SLC18A1: variants seen among roughly 807,000 people sequenced by gnomAD.
SLC18A1 encodes chromaffin granule amine transporter.
In SLC18A1, 69 loss-of-function variants were observed where a neutral mutation model predicts 53.7. The observed-to-expected ratio is 1.28, with a 90% CI of 1.06 to 1.57. The LOEUF is 1.57. Ranked by LOEUF, SLC18A1 falls within the 40% of genes most tolerant of loss-of-function variation. SLC18A1 has a pLI of 0.00. For missense variants in SLC18A1, 932 were observed against 668.1 expected (o/e 1.40, Z -4.35); for synonymous variants, 320 against 248.1 (o/e 1.29, Z -2.72).
intron 10 of SLC18A1, among the ~76,000 whole-genome samples, chr8:20,161,447 G>T (rs1000565461): frequency 1.3e-5 from 2 of 152,114 alleles, no homozygotes; most frequent in Non-Finnish European, 2.9e-5. Context: ...ATTGCATTAG[G>T]TGTTACAAGT....
At chr8:20,167,523 TTGTG>T (rs915650220) in intron 8 of SLC18A1, among the ~76,000 whole-genome samples, 7 of 152,010 alleles carry the variant, frequency 4.6e-5, no homozygotes, top group Non-Finnish European at 7.3e-5. Flanking sequence ...CAGTACAAAC[TTGTG>T]TGTGTGTATT....
At chr8:20,148,274 T>G (rs2071455206) in intron 12 of SLC18A1, 2 of 615,458 alleles carry the variant, frequency 3.2e-6, no homozygotes. Flanking sequence ...GCTGTTGTGT[T>G]TATTTATTGC....
intron 5 of SLC18A1, among the ~76,000 whole-genome samples, chr8:20,173,389 G>A (rs1285221488): frequency 6.6e-6 from 1 of 152,158 alleles, no homozygotes; most frequent in South Asian, 2.1e-4. Context: ...TCCATTGTCT[G>A]ATTATACCAT....
chr8:20,154,983 C>T (rs1051669670), intron 10 of SLC18A1, among the ~76,000 whole-genome samples: 1 of 152,190 alleles, frequency 6.6e-6, no homozygotes, highest in African/African-American at 2.4e-5. Flanking sequence ...TTCCTGCACA[C>T]CTAAGTGCCC....
intron 10 of SLC18A1, among the ~76,000 whole-genome samples, chr8:20,160,223 T>C (rs1186178446): frequency 6.7e-6 from 1 of 149,234 alleles, no homozygotes; most frequent in Non-Finnish European, 1.5e-5. Context: ...ATTTAATTGC[T>C]TAAAAAAATT....
chr8:20,150,909 G>T, intron 10 of SLC18A1, 165 bp from the exon 11 acceptor site: 2 of 632,122 alleles, frequency 3.2e-6, no homozygotes, highest in Admixed American at 4.8e-5. Flanking sequence ...AGTTGCCATA[G>T]GACCCCCACA....
chr8:20,165,157 C>A (rs1201022974), intron 8 of SLC18A1, 50 bp from the exon 9 acceptor site: 1 of 1,470,750 alleles, frequency 6.8e-7, no homozygotes, highest in Admixed American at 1.7e-5. Flanking sequence ...GCATACATCT[C>A]TCCTATTTTC....
intron 11 of SLC18A1, among the ~76,000 whole-genome samples, chr8:20,150,406 A>G (rs2071519467): frequency 6.6e-6 from 1 of 152,224 alleles, no homozygotes; most frequent in African/African-American, 2.4e-5. Flanking sequence ...ACTGGACAGC[A>G]AATGGATGGA....
chr8:20,171,683 T>A (rs2072121475), intron 6 of SLC18A1, among the ~76,000 whole-genome samples, 189 bp from the exon 7 acceptor site: 1 of 144,494 alleles, frequency 6.9e-6, no homozygotes, highest in Admixed American at 6.9e-5. Context: ...GTGGAGGAAG[T>A]GTGTGTGTGT....
chr8:20,180,107 A>ATT (rs1476700812), intron 2 of SLC18A1, among the ~76,000 whole-genome samples: 54 of 62,642 alleles, frequency 8.6e-4, no homozygotes, highest in African/African-American at 3.7e-3. Flanking sequence ...TAAGATTATA[A>ATT]TTGTGTGTGT....
At chr8:20,150,575 G>T (rs923118084) in intron 11 of SLC18A1, 91 bp downstream of exon 11, 3 of 1,134,604 alleles carry the variant, frequency 2.6e-6, no homozygotes, top group Non-Finnish European at 1.3e-6. Flanking sequence ...ACTTTCAACC[G>T]TATGGAAGCT....
chr8:20,149,589 C>CT, intron 12 of SLC18A1, 87 bp downstream of exon 12: 14 of 790,144 alleles, frequency 1.8e-5, no homozygotes, highest in Non-Finnish European at 2.0e-5. Flanking sequence ...TCTCTCTCTC[C>CT]CTCTCTCTCT....
chr8:20,151,579 C>T (rs370641129), intron 10 of SLC18A1, among the ~76,000 whole-genome samples: 3 of 152,010 alleles, frequency 2.0e-5, no homozygotes, highest in Admixed American at 6.6e-5. Context: ...TATATCATAC[C>T]GGGTTACAAT....
intron 14 of SLC18A1, 61 bp from the exon 15 acceptor site, chr8:20,147,452 C>G: frequency 6.3e-7 from 1 of 1,580,372 alleles, no homozygotes; most frequent in East Asian, 2.2e-5. Context: ...GCATCCTCCA[C>G]GTAGGACACT....
At chr8:20,181,124 A>G in intron 1 of SLC18A1, 37 bp from the exon 2 acceptor site, 2 of 693,992 alleles carry the variant, frequency 2.9e-6, no homozygotes, top group Non-Finnish European at 4.6e-6. Context: ...TGCAAGTAGT[A>G]GGATGATATT....
intron 4 of SLC18A1, 30 bp downstream of exon 4, chr8:20,178,405 A>G (rs112212002): frequency 5.1e-6 from 8 of 1,575,622 alleles, no homozygotes; most frequent in African/African-American, 1.4e-5. Context: ...TAATCAGTGA[A>G]GGGAAGAAAA....
rs553193791 is a variant in SLC18A1, at chr8:20,173,222, A to G, written c.632-94T>C. ...CCCACCCTGTTATCTCTTCAGTGACAATCTTAGCTAGAGTTTCAGTTTGAG... is the reference window on the plus strand; with the variant it reads ...CCCACCCTGTTATCTCTTCAGTGACGATCTTAGCTAGAGTTTCAGTTTGAG... On this transcript the variant is annotated intron_variant, in intron 5 of 15. Transcript: ENST00000276373. The G allele has an allele frequency of 2.2e-5, 19 of 869,128 alleles. No individual in the cohort carries two copies. The African/African-American group carries it at 3.1e-4, about 14-fold the overall frequency. 53.8% of individuals were successfully genotyped at this position (869,128 alleles called of 1,614,324 possible).
At chr8:20,165,169 C>T in intron 8 of SLC18A1, 62 bp from the exon 9 acceptor site, 1 of 1,430,214 alleles carries the variant, frequency 7.0e-7, no homozygotes, top group Non-Finnish European at 9.9e-7. Flanking sequence ...CCTATTTTCA[C>T]AGAATCTGAG....
chr8:20,166,227 AT>A (rs1380277030), intron 8 of SLC18A1, among the ~76,000 whole-genome samples: 2 of 148,518 alleles, frequency 1.3e-5, no homozygotes, highest in Non-Finnish European at 3.0e-5. Context: ...AGGAGATGGA[AT>A]AAAATATGGC....
Sources: gnomAD v4.1 joint callset for allele counts (sites outside exome capture counted in the v4.1 genomes callset) on GRCh38, gnomAD v4.1.1 for gene constraint, MANE v1.5 for transcripts, NCBI Gene and HGNC (gene_info 2026-07-23, HGNC 2026-07-21) for gene names.